TSPAN11: variants seen among roughly 807,000 people sequenced by gnomAD.
TSPAN11 encodes tetraspanin 11.
A neutral mutation model predicts 32.9 loss-of-function variants in TSPAN11; 29 were observed. The observed-to-expected ratio is 0.88, with a 90% CI of 0.66 to 1.20. The LOEUF (loss-of-function observed/expected upper bound fraction) is 1.20, where lower values mean the gene tolerates loss of function less well. TSPAN11 is among the 50% of genes most tolerant of loss of function. TSPAN11 has a pLI of 0.00. For synonymous variants in TSPAN11, 140 were observed against 141.3 expected (o/e 0.99, Z 0.07); for missense variants, 283 against 329.1 (o/e 0.86, Z 1.08).
In TSPAN11 at chr12:30,942,038, G is replaced by A. The variant is rs148496685; in HGVS notation, c.-11-11943G>A. Among the ~76,000 whole-genome samples, 296 of 152,252 alleles carry A rather than the reference G, an allele frequency of 1.9e-3. 5 individuals are homozygous for A. The highest frequency in any genetic ancestry group is 6.7e-3 in the African/African-American group (280 of 41,554). ...AACAGGGCCTTCCCTCACAACCATCGGAATACAGTGCACTAGCAGGCCGGT... is the reference window on the plus strand; with the variant it reads ...AACAGGGCCTTCCCTCACAACCATCAGAATACAGTGCACTAGCAGGCCGGT... On this transcript the variant is annotated intron_variant, in intron 1 of 7. Transcript: ENST00000546076.
At chr12:30,967,154 A>G (rs1938750367) in intron 3 of TSPAN11, among the ~76,000 whole-genome samples, 1 of 152,244 alleles carries the variant, frequency 6.6e-6, no homozygotes, top group Non-Finnish European at 1.5e-5. Flanking sequence ...GCCACTGATC[A>G]CAGCCTCCCA....
intron 1 of TSPAN11, among the ~76,000 whole-genome samples, chr12:30,934,617 T>G (rs887696699): frequency 6.6e-6 from 1 of 151,456 alleles, no homozygotes; most frequent in Non-Finnish European, 1.5e-5. Context: ...ATTCGGAAAC[T>G]TAAAATATTA....
the TSPAN11 span, among the ~76,000 whole-genome samples, chr12:31,001,842 T>C: frequency 6.6e-6 from 1 of 152,082 alleles, no homozygotes; most frequent in African/African-American, 2.4e-5. Flanking sequence ...GACCCTCTCA[T>C]ATACAGCCAG....
At chr12:30,936,248 AT>A (rs1344094838) in intron 1 of TSPAN11, among the ~76,000 whole-genome samples, 1 of 151,822 alleles carries the variant, frequency 6.6e-6, no homozygotes, top group Non-Finnish European at 1.5e-5. Flanking sequence ...TCCTTCACAC[AT>A]TTTTCTTCCT....
Position 30,975,939 on chromosome 12 carries a change from G to T in TSPAN11, c.277-2622G>T, listed in dbSNP as rs1374085980. On this transcript the variant is annotated intron_variant, in intron 3 of 7. Coordinates refer to ENST00000546076, the MANE Select transcript of TSPAN11 (RefSeq NM_001370302.1). The surrounding 1 kb of genome is among the most constrained non-coding windows in gnomAD (Gnocchi z 4.5). Reference sequence around the variant, plus strand: ...GTGCAGCAGGAGGGATCCGGCCTCAGCACCGTAGCTGAGGATGGTGGAGGG... The same window carrying T: ...GTGCAGCAGGAGGGATCCGGCCTCATCACCGTAGCTGAGGATGGTGGAGGG... Among the ~76,000 whole-genome samples, 12 of 152,212 alleles carry T rather than the reference G, an allele frequency of 7.9e-5. No individual in the cohort carries two copies. The highest frequency in any genetic ancestry group is 1.6e-4 in the Non-Finnish European group (11 of 68,040).
chr12:31,005,843 C>T, the TSPAN11 span: 2 of 196,340 alleles, frequency 1.0e-5, no homozygotes, highest in South Asian at 1.1e-4. Flanking sequence ...AGGCCAAGCC[C>T]AGGATCTGAA....
the TSPAN11 span, among the ~76,000 whole-genome samples, chr12:31,001,833 AC>A: frequency 6.6e-6 from 1 of 151,564 alleles, no homozygotes; most frequent in Non-Finnish European, 1.5e-5. Flanking sequence ...AAGGAAGATG[AC>A]CCTCTCATAT....
intron 2 of TSPAN11, among the ~76,000 whole-genome samples, chr12:30,960,961 C>T (rs1938599907): frequency 6.6e-6 from 1 of 151,366 alleles, no homozygotes; most frequent in East Asian, 1.9e-4. Context: ...ATTGCTTGAA[C>T]CTGGGAGGTG....
chr12:30,988,367 A>T (rs1334425141), intron 7 of TSPAN11: 1 of 152,292 alleles, frequency 6.6e-6, no homozygotes, highest in Non-Finnish European at 1.5e-5. Context: ...AGGCAGGGGG[A>T]TCACAAGGTC....
chr12:30,962,246 G>A (rs1938627847), intron 2 of TSPAN11, among the ~76,000 whole-genome samples: 1 of 150,116 alleles, frequency 6.7e-6, no homozygotes, highest in Admixed American at 6.6e-5. Flanking sequence ...CTTCCACCTG[G>A]TGGAGGTGCC....
intron 1 of TSPAN11, among the ~76,000 whole-genome samples, chr12:30,947,915 C>T (rs1938301796): frequency 6.6e-6 from 1 of 152,120 alleles, no homozygotes; most frequent in African/African-American, 2.4e-5. Flanking sequence ...CGCCTATGAG[C>T]CTGTAAAATC....
chr12:30,938,947 A>G (rs987776786), intron 1 of TSPAN11, among the ~76,000 whole-genome samples: 3 of 152,120 alleles, frequency 2.0e-5, no homozygotes, highest in African/African-American at 7.2e-5. Flanking sequence ...ATAAAACAGA[A>G]GCGGGCTGGT....
In TSPAN11 at chr12:30,994,625, T is replaced by C. The variant is rs905870774; in HGVS notation, c.*2710T>C. The C allele has an allele frequency of 7.2e-5, 11 of 152,240 alleles. No individual in the cohort carries two copies. Among genetic ancestry groups the C allele is most frequent in the African/African-American group, 2.7e-4 (11 of 41,448 alleles). 9.4% of individuals were successfully genotyped at this position (152,240 alleles called of 1,614,324 possible). A position where few individuals can be genotyped will look rare whatever the true frequency, so the allele number is the denominator to read the frequency against. Reference sequence around the variant, plus strand: ...CGGGTTGGAATATTTGTGACCGTTCTTGTCTTTCTCCCTCCTGCTTCCCCG... The same window carrying C: ...CGGGTTGGAATATTTGTGACCGTTCCTGTCTTTCTCCCTCCTGCTTCCCCG... On this transcript the variant is annotated 3_prime_UTR_variant, in exon 8 of 8. Transcript: ENST00000546076.
downstream of TSPAN11, among the ~76,000 whole-genome samples, chr12:31,001,082 T>C (rs1939473708): frequency 2.0e-5 from 3 of 152,188 alleles, no homozygotes; most frequent in Admixed American, 2.0e-4. Context: ...CTCTTCACAC[T>C]GTAGCTGCGG....
chr12:30,996,495 T>C lies in TSPAN11; in HGVS notation c.*4580T>C, dbSNP rs941899065. The C allele has an allele frequency of 1.3e-5, 2 of 152,060 alleles. No individual in the cohort carries two copies. Among genetic ancestry groups the C allele is most frequent in the African/African-American group, 4.8e-5 (2 of 41,404 alleles). 9.4% of individuals were successfully genotyped at this position (152,060 alleles called of 1,614,324 possible). On this transcript the variant is annotated 3_prime_UTR_variant, in exon 8 of 8. Transcript: ENST00000546076. Reference sequence around the variant, plus strand: ...TCTTAACCTAATGCGCATAGAGAAATTGTTCTCATTGTAAACATACCCCTG... The same window carrying C: ...TCTTAACCTAATGCGCATAGAGAAACTGTTCTCATTGTAAACATACCCCTG...
In TSPAN11 at chr12:30,994,548, T is replaced by A. The variant is rs770392280; in HGVS notation, c.*2633T>A. 6.6e-6 allele frequency: 1 copy of A among 152,054 alleles called. No individual in the cohort carries two copies. The highest frequency in any genetic ancestry group is 2.4e-5 in the African/African-American group (1 of 41,394). 9.4% of individuals were successfully genotyped at this position (152,054 alleles called of 1,614,324 possible). ...GAGAAGGGCGCGTCCCCGAGTCCCCTGGGTGACCTGTGTCAGGACAGCAGG... is the reference window on the plus strand; with the variant it reads ...GAGAAGGGCGCGTCCCCGAGTCCCCAGGGTGACCTGTGTCAGGACAGCAGG... On this transcript the variant is annotated 3_prime_UTR_variant, in exon 8 of 8. Coordinates refer to ENST00000546076, the MANE Select transcript of TSPAN11 (RefSeq NM_001370302.1).
chr12:31,008,595 G>A, the TSPAN11 span, among the ~76,000 whole-genome samples: 2 of 152,192 alleles, frequency 1.3e-5, no homozygotes, highest in African/African-American at 4.8e-5. Flanking sequence ...GCCTCCCGGA[G>A]CCCATCCACC....
the TSPAN11 span, among the ~76,000 whole-genome samples, chr12:31,009,800 C>T: frequency 3.9e-5 from 6 of 152,218 alleles, no homozygotes; most frequent in South Asian, 2.1e-4. Context: ...ATGCTGCTAA[C>T]GGGCCGCGTC....
intron 1 of TSPAN11, among the ~76,000 whole-genome samples, chr12:30,936,548 T>G (rs1203280565): frequency 6.6e-6 from 1 of 150,846 alleles, no homozygotes; most frequent in East Asian, 1.9e-4. Flanking sequence ...GGGAGAAGAG[T>G]GGAATGGTGG....
Sources: gnomAD v4.1 joint callset for allele counts (sites outside exome capture counted in the v4.1 genomes callset) on GRCh38, gnomAD v4.1.1 for gene constraint, Gnocchi (gnomAD v3.1) non-coding constraint, MANE v1.5 for transcripts, NCBI Gene and HGNC (gene_info 2026-07-23, HGNC 2026-07-21) for gene names.